The following RBFOX1 variants were observed in gnomAD, a reference collection of about 807,000 sequenced individuals.
RBFOX1 encodes the protein RNA binding protein fox-1 homolog 1.
A neutral mutation model predicts 57.7 loss-of-function variants in RBFOX1; 8 were observed. The observed-to-expected ratio is 0.14, with a 90% CI of 0.08 to 0.25. The LOEUF (loss-of-function observed/expected upper bound fraction) is 0.25. Ranked by LOEUF, RBFOX1 falls within the 10% of genes least tolerant of loss-of-function variation. RBFOX1 has a pLI of 1.00. For missense variants in RBFOX1, 611 were observed against 548.5 expected (o/e 1.11, Z -1.14); for synonymous variants, 326 against 222.4 (o/e 1.47, Z -4.15).
intron 3 of RBFOX1, among the ~76,000 whole-genome samples, chr16:6,932,002 A>T (rs2153476607): frequency 6.6e-6 from 1 of 152,256 alleles, no homozygotes; most frequent in South Asian, 2.1e-4. Context: ...CTCCAGTGAA[A>T]ACTAACTGAC....
At chr16:6,314,784 C>G (rs930945775) in intron 1 of RBFOX1, among the ~76,000 whole-genome samples, 37 of 152,170 alleles carry the variant, frequency 2.4e-4, no homozygotes, top group Non-Finnish European at 8.8e-5. Flanking sequence ...GAAACTACAA[C>G]TACTATAATT....
chr16:5,302,408 C>T (rs570393002), intron 1 of RBFOX1, among the ~76,000 whole-genome samples: 3 of 152,274 alleles, frequency 2.0e-5, no homozygotes, highest in Non-Finnish European at 4.4e-5. Context: ...AATGTGTATT[C>T]TGTAGTTTTT....
intron 3 of RBFOX1, among the ~76,000 whole-genome samples, chr16:6,963,945 G>A (rs1042266580): frequency 5.3e-5 from 8 of 151,930 alleles, no homozygotes; most frequent in South Asian, 2.1e-4. Flanking sequence ...TGATCCACCC[G>A]CCTCGGCCTC....
intron 12 of RBFOX1, among the ~76,000 whole-genome samples, chr16:7,663,512 T>TGG (rs1468489682): frequency 6.7e-6 from 1 of 148,270 alleles, no homozygotes; most frequent in Non-Finnish European, 1.5e-5. Context: ...AGCGTGTGTG[T>TGG]GTGTGTGTGT....
intron 3 of RBFOX1, among the ~76,000 whole-genome samples, chr16:7,026,252 T>C (rs996704779): frequency 1.3e-5 from 2 of 152,132 alleles, no homozygotes; most frequent in African/African-American, 4.8e-5. Flanking sequence ...AGCTGCTGTT[T>C]TTCCTTTCCT....
chr16:6,559,125 G>A (rs1182006956), intron 2 of RBFOX1, among the ~76,000 whole-genome samples: 1 of 145,554 alleles, frequency 6.9e-6, no homozygotes, highest in Admixed American at 6.7e-5. Flanking sequence ...GTGTGTGTGT[G>A]TGTGTGTGTA....
chr16:7,125,496 T>G (rs1425375157), intron 4 of RBFOX1, among the ~76,000 whole-genome samples: 2 of 152,204 alleles, frequency 1.3e-5, no homozygotes, highest in Non-Finnish European at 2.9e-5. Context: ...TTTTCTAGTT[T>G]GAAGTTTGTT....
intron 5 of RBFOX1, among the ~76,000 whole-genome samples, chr16:7,540,579 T>C (rs1307050224): frequency 6.6e-6 from 1 of 152,256 alleles, no homozygotes; most frequent in African/African-American, 2.4e-5. Flanking sequence ...TGATGATCAC[T>C]GACTGCTCTG....
At chr16:5,594,031 A>G (rs17138160) in intron 2 of RBFOX1, among the ~76,000 whole-genome samples, 39,059 of 151,402 alleles carry the variant, frequency 0.26, 5,910 homozygotes, top group East Asian at 0.47. Context: ...GGCTTTGGTC[A>G]GCCATGGCCT....
chr16:5,872,715 G>A (rs2057506395), intron 4 of RBFOX1, among the ~76,000 whole-genome samples: 1 of 151,970 alleles, frequency 6.6e-6, no homozygotes, highest in East Asian at 1.9e-4. Context: ...TAGCCTGGGT[G>A]ACAGAGCTAG....
intron 3 of RBFOX1, among the ~76,000 whole-genome samples, chr16:6,890,487 C>T (rs769678387): frequency 4.6e-5 from 7 of 151,764 alleles, no homozygotes; most frequent in African/African-American, 1.2e-4. Flanking sequence ...CCATGGCACT[C>T]CAGCCTGGGC....
chr16:7,461,714 A>G (rs930666796), intron 4 of RBFOX1, among the ~76,000 whole-genome samples: 2 of 152,186 alleles, frequency 1.3e-5, no homozygotes, highest in African/African-American at 2.4e-5. Context: ...GATAATCCAC[A>G]TCCAGCAGGA....
At chr16:6,478,442 T>TTGTA (rs2095318693) in intron 2 of RBFOX1, among the ~76,000 whole-genome samples, 1 of 120,260 alleles carries the variant, frequency 8.3e-6, no homozygotes, top group Non-Finnish European at 1.7e-5. Flanking sequence ...TTTTTTTTTT[T>TTGTA]TTTTTGTATT....
chr16:6,224,643 C>G (rs1489719704), intron 1 of RBFOX1, among the ~76,000 whole-genome samples: 1 of 152,128 alleles, frequency 6.6e-6, no homozygotes, highest in East Asian at 1.9e-4. Flanking sequence ...ACCACCTACT[C>G]TAGAAAGAGA....
At chr16:6,707,304 G>C (rs1278850487) in intron 3 of RBFOX1, among the ~76,000 whole-genome samples, 3 of 152,094 alleles carry the variant, frequency 2.0e-5, no homozygotes, top group Admixed American at 1.3e-4. Flanking sequence ...TGAGACAGAC[G>C]CATTTCCTCT....
chr16:6,032,422 C>A (rs1188815463), intron 1 of RBFOX1, among the ~76,000 whole-genome samples: 1 of 152,118 alleles, frequency 6.6e-6, no homozygotes, highest in African/African-American at 2.4e-5. Context: ...CTCCAGATTG[C>A]TTCACTGAAA....
intron 4 of RBFOX1, among the ~76,000 whole-genome samples, chr16:6,003,807 G>T (rs9925260): frequency 0.025 from 3,768 of 152,268 alleles, 98 homozygotes; most frequent in South Asian, 0.11. Flanking sequence ...GGTCAAATGA[G>T]TGAGGAGGGT....
intron 3 of RBFOX1, among the ~76,000 whole-genome samples, chr16:5,718,114 T>C (rs1471115555): frequency 6.6e-6 from 1 of 152,216 alleles, no homozygotes; most frequent in African/African-American, 2.4e-5. Context: ...GGGCAAGCAT[T>C]TCTTTACATA....
chr16:6,186,519 G>A (rs2097106286), intron 1 of RBFOX1, among the ~76,000 whole-genome samples: 1 of 152,172 alleles, frequency 6.6e-6, no homozygotes, highest in South Asian at 2.1e-4. Flanking sequence ...GATATAGTGA[G>A]GAGAGGGGCG....
Sources: gnomAD v4.1 joint callset for allele counts (sites outside exome capture counted in the v4.1 genomes callset) on GRCh38, gnomAD v4.1.1 for gene constraint, MANE v1.5 for transcripts, NCBI Gene and HGNC (gene_info 2026-07-23, HGNC 2026-07-21) for gene names.